Variants in CTNND2 observed in about 807,000 individuals in gnomAD.
The protein encoded by CTNND2 is catenin delta 2, also known as catenin delta-2.
In CTNND2, 22 loss-of-function variants were observed where a neutral mutation model predicts 144.4. That is an observed-to-expected ratio of 0.15 (90% CI 0.11 to 0.22). The LOEUF (loss-of-function observed/expected upper bound fraction) is 0.22, where lower values mean the gene tolerates loss of function less well. CTNND2 is among the 10% of genes least tolerant of loss of function. The pLI is 1.00. For synonymous variants in CTNND2, 751 were observed against 695.6 expected, an observed-to-expected ratio of 1.08 and a Z score of -1.25; for missense variants, 1,353 against 1,618.8, an observed-to-expected ratio of 0.84 and a Z score of 2.82.
intron 9 of CTNND2, among the ~76,000 whole-genome samples, chr5:11,254,147 T>C (rs1457289272): frequency 6.6e-6 from 1 of 152,224 alleles, no homozygotes; most frequent in Admixed American, 6.5e-5. Flanking sequence ...ACACTCAGTT[T>C]AGCAGAGTGA....
chr5:11,520,119 C>CAACT (rs972464593), intron 3 of CTNND2, among the ~76,000 whole-genome samples: 7 of 148,438 alleles, frequency 4.7e-5, no homozygotes, highest in Non-Finnish European at 7.4e-5. Context: ...TGCACTCTAG[C>CAACT]CTGGGCAACA....
At chr5:11,563,703 AC>A (rs1460800593) in intron 3 of CTNND2, among the ~76,000 whole-genome samples, 1 of 152,070 alleles carries the variant, frequency 6.6e-6, no homozygotes, top group Non-Finnish European at 1.5e-5. Context: ...CACGTGGTTA[AC>A]CCCGCTTAAC....
At chr5:11,116,017 T>G (rs1174543984) in intron 13 of CTNND2, among the ~76,000 whole-genome samples, 1 of 152,252 alleles carries the variant, frequency 6.6e-6, no homozygotes, top group African/African-American at 2.4e-5. Flanking sequence ...GAGAGTCATA[T>G]TAAAGCTCTA....
chr5:11,764,006 G>A (rs946561274), intron 1 of CTNND2, among the ~76,000 whole-genome samples: 2 of 152,062 alleles, frequency 1.3e-5, no homozygotes, highest in African/African-American at 4.8e-5. Context: ...TGAAAGTTAG[G>A]TTTCTAACTA....
chr5:11,644,272 T>C (rs1348030618), intron 2 of CTNND2, among the ~76,000 whole-genome samples: 1 of 152,216 alleles, frequency 6.6e-6, no homozygotes, highest in Non-Finnish European at 1.5e-5. Flanking sequence ...TGGCACTTTA[T>C]GTAGGATGTT....
intron 16 of CTNND2, among the ~76,000 whole-genome samples, chr5:11,043,398 A>G (rs189286707): frequency 4.9e-4 from 74 of 152,290 alleles, no homozygotes; most frequent in Middle Eastern, 3.4e-3. Context: ...TTGTAGGCTT[A>G]TGTCGTATGC....
At chr5:11,528,025 T>A (rs1005037149) in intron 3 of CTNND2, among the ~76,000 whole-genome samples, 1 of 152,122 alleles carries the variant, frequency 6.6e-6, no homozygotes, top group Admixed American at 6.5e-5. Flanking sequence ...AGAGTCAATT[T>A]AAAAAACCCA....
chr5:11,282,631 T>G (rs1167014071), intron 9 of CTNND2, among the ~76,000 whole-genome samples: 1 of 152,164 alleles, frequency 6.6e-6, no homozygotes, highest in Non-Finnish European at 1.5e-5. Context: ...GCAACCAACA[T>G]TACTTAGATT....
At chr5:11,595,197 A>C (rs1304121397) in intron 2 of CTNND2, among the ~76,000 whole-genome samples, 1 of 152,152 alleles carries the variant, frequency 6.6e-6, no homozygotes, top group African/African-American at 2.4e-5. Context: ...AAAAAATGGG[A>C]AAACAGGATG....
intron 2 of CTNND2, among the ~76,000 whole-genome samples, chr5:11,656,738 G>C (rs539716967): frequency 9.2e-5 from 14 of 152,224 alleles, no homozygotes; most frequent in Middle Eastern, 3.4e-3. Flanking sequence ...TGCAAGCTCC[G>C]TAACAGTGAG....
rs143769984 is a variant in CTNND2, at chr5:11,445,817, T to C, written c.288-33748A>G. Among the ~76,000 whole-genome samples the C allele has an allele frequency of 5.3e-5, 8 of 152,296 alleles. No homozygotes were observed. The East Asian group carries it at 1.5e-3, about 29-fold the overall frequency. ...ATTAAGCAGTAAGTTCTATAAATAA[T>C]ATGGAAACCAATTTTCTAAAGTAAA... On this transcript the variant is annotated intron_variant, in intron 3 of 21. Transcript: ENST00000304623.
At chr5:11,632,484 G>A (rs1781460365) in intron 2 of CTNND2, among the ~76,000 whole-genome samples, 1 of 152,130 alleles carries the variant, frequency 6.6e-6, no homozygotes, top group African/African-American at 2.4e-5. Context: ...GAAACAACAA[G>A]CACTGGTTGG....
At chr5:11,190,647 G>A (rs1427805550) in intron 11 of CTNND2, among the ~76,000 whole-genome samples, 1 of 152,204 alleles carries the variant, frequency 6.6e-6, no homozygotes, top group Non-Finnish European at 1.5e-5. Flanking sequence ...TATGGCCTGA[G>A]CTACCTGCTT....
At chr5:11,712,120 G>A (rs1786067659) in intron 2 of CTNND2, among the ~76,000 whole-genome samples, 1 of 152,116 alleles carries the variant, frequency 6.6e-6, no homozygotes, top group African/African-American at 2.4e-5. Context: ...TGTAGCATAA[G>A]GTCAAGTCAA....
At chr5:11,233,259 T>C (rs245087) in intron 10 of CTNND2, among the ~76,000 whole-genome samples, 135,807 of 152,128 alleles carry the variant, frequency 0.89, 60,742 homozygotes, top group East Asian at 0.97. Flanking sequence ...GGAAGCAAAT[T>C]CTCAAAATTG....
intron 1 of CTNND2, among the ~76,000 whole-genome samples, chr5:11,891,760 A>T (rs919917012): frequency 1.3e-5 from 2 of 152,238 alleles, no homozygotes; most frequent in South Asian, 4.1e-4. Flanking sequence ...ACGTTGTTTA[A>T]GCCACACAAT....
intron 19 of CTNND2, among the ~76,000 whole-genome samples, chr5:10,989,341 C>T (rs1165589149): frequency 2.0e-5 from 3 of 152,190 alleles, no homozygotes; most frequent in African/African-American, 7.2e-5. Flanking sequence ...CAGGGCAGTG[C>T]TTCAGAGCCT....
chr5:11,090,679 A>T (rs1750677439), intron 15 of CTNND2, among the ~76,000 whole-genome samples: 1 of 152,204 alleles, frequency 6.6e-6, no homozygotes, highest in Non-Finnish European at 1.5e-5. Context: ...ATTGTCTTCC[A>T]CGAAACTGGT....
In CTNND2 at chr5:11,732,210, C is replaced by T. The variant is rs151129181; in HGVS notation, c.100G>A (p.Gly34Ser). ...ASEKTSSLSPGLNTSNGDGSE... is the reference protein window; with the variant it reads ...ASEKTSSLSPSLNTSNGDGSE... ...CCATCCCCGTTGGAGGTGTTTAAGC[C>T]GGGGCTCAGGGAACTCGTCTTCTCT... is the stretch of plus-strand genomic sequence containing the variant. Residue 34 changes from glycine (G) to serine (S), a missense_variant, in exon 2 of 22, where the codon GGC becomes AGC. Gly to Ser is a moderately conservative substitution (Grantham distance 56, BLOSUM62 0). Coordinates refer to ENST00000304623, the MANE Select transcript of CTNND2 (RefSeq NM_001332.4). The T allele has an allele frequency of 7.1e-5, 115 of 1,613,908 alleles. No individual in the cohort carries two copies. Among genetic ancestry groups the T allele is most frequent in the African/African-American group, 2.3e-4 (17 of 75,000 alleles).
Sources: allele counts gnomAD v4.1 joint callset (sites outside exome capture counted in the v4.1 genomes callset), GRCh38; gene constraint gnomAD v4.1.1; transcripts MANE v1.5; gene names NCBI Gene and HGNC (gene_info 2026-07-23, HGNC 2026-07-21).